Variants in FRAS1 observed in about 807,000 individuals in gnomAD.
FRAS1 encodes the protein extracellular matrix organizing protein FRAS1.
Under a neutral mutation model 435.2 loss-of-function variants are expected in FRAS1, and 290 were observed. The observed-to-expected ratio is 0.67, with a 90% confidence interval of 0.61 to 0.73. The LOEUF (loss-of-function observed/expected upper bound fraction) is 0.73, where lower values mean the gene tolerates loss of function less well. FRAS1 is among the 30% of genes least tolerant of loss of function. FRAS1 has a pLI of 0.00. For synonymous variants in FRAS1, 1,800 were observed against 1,851.0 expected, an observed-to-expected ratio of 0.97 and a Z score of 0.71; for missense variants, 4,860 against 5,001.5, an observed-to-expected ratio of 0.97 and a Z score of 0.85.
chr4:78,323,193 A>G (rs1729576116), intron 18 of FRAS1, among the ~76,000 whole-genome samples: 1 of 152,256 alleles, frequency 6.6e-6, no homozygotes, highest in South Asian at 2.1e-4. Flanking sequence ...ATGTTTCCAA[A>G]GTGTGGCTAG....
chr4:78,336,088 A>G (rs985640148), intron 19 of FRAS1, among the ~76,000 whole-genome samples: 6 of 152,206 alleles, frequency 3.9e-5, no homozygotes, highest in African/African-American at 1.2e-4. Context: ...AAATAAATTA[A>G]TATCTGTTAC....
At chr4:78,315,842 G>A in intron 16 of FRAS1, 108 bp downstream of exon 16, 1 of 1,200,672 alleles carries the variant, frequency 8.3e-7, no homozygotes, top group Non-Finnish European at 1.2e-6. Flanking sequence ...TGATGGGAAA[G>A]CATAACTTTA....
chr4:78,087,961 T>C (rs1741286331), intron 2 of FRAS1, among the ~76,000 whole-genome samples: 3 of 152,190 alleles, frequency 2.0e-5, no homozygotes, highest in South Asian at 2.1e-4. Context: ...AGAGCCCTCA[T>C]TGCCAAGTCA....
At chr4:78,377,207 AT>A (rs1029320799) in intron 26 of FRAS1, among the ~76,000 whole-genome samples, 2 of 152,116 alleles carry the variant, frequency 1.3e-5, no homozygotes, top group African/African-American at 4.8e-5. Context: ...AACATGAGGC[AT>A]TTTTTAACAC....
At chr4:78,364,806 G>T (rs1731200054) in intron 22 of FRAS1, among the ~76,000 whole-genome samples, 1 of 152,202 alleles carries the variant, frequency 6.6e-6, no homozygotes, top group Non-Finnish European at 1.5e-5. Flanking sequence ...GAAAATGATG[G>T]TTAACAAATA....
intron 29 of FRAS1, among the ~76,000 whole-genome samples, chr4:78,390,958 G>T (rs192970772): frequency 1.3e-5 from 2 of 152,354 alleles, no homozygotes; most frequent in East Asian, 3.9e-4. Context: ...GAAAAAGGAA[G>T]CTTTGTGTGA....
At chr4:78,504,022 G>C (rs1159851692) in intron 61 of FRAS1, among the ~76,000 whole-genome samples, 1 of 152,200 alleles carries the variant, frequency 6.6e-6, no homozygotes, top group Non-Finnish European at 1.5e-5. Context: ...TAGTTGTGCA[G>C]TTTTGGGTGA....
chr4:78,318,900 A>G lies in FRAS1; in HGVS notation c.2051A>G (p.Gln684Arg), dbSNP rs531994244. 1 of 1,614,042 alleles carries G rather than the reference A, an allele frequency of 6.2e-7. No individual in the cohort carries two copies. Among genetic ancestry groups the G allele is most frequent in the South Asian group, 1.1e-5 (1 of 91,084 alleles). ...KKPEEGLQVEQLSDVGIPSGE... is the reference protein window; with the variant it reads ...KKPEEGLQVERLSDVGIPSGE... ...CCAGAGGAAGGACTGCAAGTGGAGCAGCTGTCTGACGTGGGCATCCCCTCT... is the reference window on the plus strand; with the variant it reads ...CCAGAGGAAGGACTGCAAGTGGAGCGGCTGTCTGACGTGGGCATCCCCTCT... Residue 684 changes from glutamine to arginine, a missense_variant, in exon 18 of 74, where the codon CAG becomes CGG. Physicochemically the swap from Gln to Arg is conservative, Grantham distance 43. Transcript: ENST00000512123.
rs1216451108 is a variant in FRAS1, at chr4:78,421,876, C to T, written c.4554C>T (p.His1518=). The T allele has an allele frequency of 1.9e-6, 3 of 1,613,766 alleles. No homozygotes were observed. The highest frequency in any genetic ancestry group is 4.5e-5 in the East Asian group (2 of 44,872). The part of the protein sequence containing the change: ...PLHPNQGIIE[H]RDHPHSPIRY... ...TCTTCCTCCCAGGTATCATCGAGCA[C>T]CGGGACCACCCTCACTCTCCTATCC... The change falls in exon 34 of 74, where the codon CAC becomes CAT. Residue 1518 remains histidine, a synonymous_variant. Transcript: ENST00000512123.
chr4:78,158,930 G>A (rs563016025), intron 2 of FRAS1, among the ~76,000 whole-genome samples: 1 of 152,264 alleles, frequency 6.6e-6, no homozygotes, highest in African/African-American at 2.4e-5. Flanking sequence ...GTAGCCACAT[G>A]CCATGATTGG....
chr4:78,299,086 C>A (rs1337212937), intron 14 of FRAS1, among the ~76,000 whole-genome samples: 1 of 152,174 alleles, frequency 6.6e-6, no homozygotes, highest in Non-Finnish European at 1.5e-5. Flanking sequence ...AAGGAGCCAG[C>A]GACGTTGTGG....
At chr4:78,490,393 C>G (rs1415874428) in intron 59 of FRAS1, among the ~76,000 whole-genome samples, 1 of 152,046 alleles carries the variant, frequency 6.6e-6, no homozygotes, top group Admixed American at 6.6e-5. Flanking sequence ...TAAAGTTGAC[C>G]ACATATTTGG....
intron 2 of FRAS1, among the ~76,000 whole-genome samples, chr4:78,224,484 G>T (rs759564868): frequency 2.6e-5 from 4 of 152,116 alleles, no homozygotes; most frequent in African/African-American, 7.2e-5. Flanking sequence ...GTATATATGT[G>T]TATGTAATAA....
chr4:78,361,086 G>A (rs938539923), intron 20 of FRAS1, among the ~76,000 whole-genome samples: 5 of 152,184 alleles, frequency 3.3e-5, no homozygotes, highest in African/African-American at 1.2e-4. Flanking sequence ...AATCTGTAGT[G>A]TTTCCTAGGT....
At chr4:78,177,589 G>A (rs1721829794) in intron 2 of FRAS1, among the ~76,000 whole-genome samples, 1 of 152,204 alleles carries the variant, frequency 6.6e-6, no homozygotes. Flanking sequence ...TCAGTTGGGA[G>A]TCTCTGGGTC....
chr4:78,284,628 G>A (rs1727494804), intron 13 of FRAS1, 80 bp downstream of exon 13: 4 of 1,328,092 alleles, frequency 3.0e-6, no homozygotes, highest in East Asian at 5.0e-5. Context: ...TTAAACTGAG[G>A]CTCAGTATTG....
rs1174454057 is a variant in FRAS1, at chr4:78,058,061, G to A, written c.52G>A (p.Ala18Thr). ...LGLALALAEF[A>T]VLPHHSEGAC... ...GCTGGCCCTAGCGTTGGCGGAATTT[G>A]CAGTATTGCCTCATCATTCCGAAGG... Residue 18 changes from alanine to threonine, a missense_variant, in exon 1 of 74, where the codon GCA (alanine) becomes ACA (threonine). Physicochemically the swap from Ala to Thr is moderately conservative, Grantham distance 58 (BLOSUM62 0). Coordinates refer to ENST00000512123, the MANE Select transcript of FRAS1 (RefSeq NM_025074.7). The A allele has an allele frequency of 6.2e-7, 1 of 1,613,684 alleles. No individual in the cohort carries two copies. Among genetic ancestry groups the A allele is most frequent in the East Asian group, 2.2e-5 (1 of 44,882 alleles).
chr4:78,315,517 A>G, intron 15 of FRAS1, 77 bp from the exon 16 acceptor site: 1 of 1,431,092 alleles, frequency 7.0e-7, no homozygotes, highest in Non-Finnish European at 9.4e-7. Flanking sequence ...CCCATTGTGG[A>G]TATTGTAAAG....
chr4:78,479,732 T>C lies in FRAS1; in HGVS notation c.8443+14T>C. 6.5e-7 allele frequency: 1 copy of C among 1,532,504 alleles called. No individual in the cohort carries two copies. Among genetic ancestry groups the C allele is most frequent in the Non-Finnish European group, 8.8e-7 (1 of 1,133,598 alleles). The allele number at this position is 1,532,504 out of a possible 1,614,324, so 94.9% of individuals were successfully genotyped here. A position where few individuals can be genotyped will look rare whatever the true frequency, so the allele number is the denominator to read the frequency against. On this transcript the variant is annotated intron_variant, in intron 56 of 73. Transcript: ENST00000512123. Reference sequence around the variant, plus strand: ...GTGAGGACGCAGGTAATGGAGAGTGTCTCTGAGTTTCCTTCACCTGTCTCC... The same window carrying C: ...GTGAGGACGCAGGTAATGGAGAGTGCCTCTGAGTTTCCTTCACCTGTCTCC...
Sources: allele counts gnomAD v4.1 joint callset (sites outside exome capture counted in the v4.1 genomes callset), GRCh38; gene constraint gnomAD v4.1.1; transcripts MANE v1.5; gene names NCBI Gene and HGNC (gene_info 2026-07-23, HGNC 2026-07-21).